ATP10D: variants seen among roughly 807,000 people sequenced by gnomAD.
The protein encoded by ATP10D is ATPase phospholipid transporting 10D (putative).
Under a neutral mutation model 144.8 loss-of-function variants are expected in ATP10D, and 89 were observed. That is an observed-to-expected ratio of 0.61 (90% CI 0.52 to 0.73). ATP10D has a LOEUF of 0.73. Among genes scored for constraint, ATP10D ranks in the 30% least tolerant of loss-of-function variants. The pLI is 0.00. For missense variants in ATP10D, 1,603 were observed against 1,714.8 expected (o/e 0.93, Z 1.15); for synonymous variants, 571 against 615.1 (o/e 0.93, Z 1.06).
intron 3 of ATP10D, 127 bp downstream of exon 3, chr4:47,515,797 T>C (rs1384197832): frequency 8.5e-6 from 6 of 709,566 alleles, no homozygotes; most frequent in African/African-American, 1.8e-5. Context: ...TTGCTATTGT[T>C]TTCAACTAAT....
At chr4:47,504,940 T>C (rs1047732258) in intron 1 of ATP10D, among the ~76,000 whole-genome samples, 2 of 152,226 alleles carry the variant, frequency 1.3e-5, no homozygotes, top group Non-Finnish European at 2.9e-5. Flanking sequence ...ATAAGAACTT[T>C]GACGTTTTGT....
intron 11 of ATP10D, among the ~76,000 whole-genome samples, chr4:47,556,115 A>G (rs4694857): frequency 0.45 from 68,043 of 152,124 alleles, 15,762 homozygotes; most frequent in East Asian, 0.79. Context: ...TTCATTTTCA[A>G]TGCGGAGGAA....
intron 13 of ATP10D, 116 bp downstream of exon 13, chr4:47,559,145 A>G: frequency 2.8e-6 from 2 of 703,586 alleles, no homozygotes; most frequent in East Asian, 2.8e-5. Flanking sequence ...TCCCCTGGAC[A>G]CTGGCTCTCT....
chr4:47,564,233 C>G (rs1291838986), intron 15 of ATP10D, among the ~76,000 whole-genome samples: 3 of 152,120 alleles, frequency 2.0e-5, no homozygotes, highest in Non-Finnish European at 4.4e-5. Context: ...ATCCAGAAAC[C>G]TACCTTGTGC....
At chr4:47,527,694 A>C (rs1054167106) in intron 5 of ATP10D, among the ~76,000 whole-genome samples, 3 of 152,170 alleles carry the variant, frequency 2.0e-5, no homozygotes, top group Non-Finnish European at 4.4e-5. Context: ...ATGCAGGTTA[A>C]ACCACAGAGC....
chr4:47,487,789 C>A (rs1714849038), intron 1 of ATP10D, among the ~76,000 whole-genome samples: 2 of 151,992 alleles, frequency 1.3e-5, no homozygotes, highest in Non-Finnish European at 2.9e-5. Context: ...TAATGCTACT[C>A]AATAAAAGGT....
At chr4:47,489,182 T>G (rs1460341952) in intron 1 of ATP10D, among the ~76,000 whole-genome samples, 1 of 152,186 alleles carries the variant, frequency 6.6e-6, no homozygotes, top group Non-Finnish European at 1.5e-5. Context: ...AGAGGGGATG[T>G]TAACCTCCCA....
intron 1 of ATP10D, among the ~76,000 whole-genome samples, chr4:47,489,502 G>A (rs1714964884): frequency 6.6e-6 from 1 of 152,030 alleles, no homozygotes; most frequent in South Asian, 2.1e-4. Context: ...TTTTTCTCAT[G>A]GTGTTAATAT....
chr4:47,496,277 C>T (rs4393976), intron 1 of ATP10D, among the ~76,000 whole-genome samples: 1 of 151,208 alleles, frequency 6.6e-6, no homozygotes, highest in African/African-American at 2.4e-5. Context: ...CCTGCCTCAG[C>T]CTCCGGAGTA....
chr4:47,490,954 TTTTATTTTA>T, intron 1 of ATP10D: 1 of 545,846 alleles, frequency 1.8e-6, no homozygotes, highest in Non-Finnish European at 3.4e-6. Context: ...GTCAGAAGTC[TTTTATTTTA>T]TTTATTTTGT....
At chr4:47,509,717 C>A (rs1716211162) in intron 1 of ATP10D, among the ~76,000 whole-genome samples, 1 of 152,162 alleles carries the variant, frequency 6.6e-6, no homozygotes, top group Non-Finnish European at 1.5e-5. Context: ...GGTTGTGGAT[C>A]TATTTAGGAA....
At chr4:47,553,799 G>T (rs1395669404) in intron 10 of ATP10D, among the ~76,000 whole-genome samples, 1 of 152,166 alleles carries the variant, frequency 6.6e-6, no homozygotes, top group Non-Finnish European at 1.5e-5. Flanking sequence ...AATCTTCTGA[G>T]TCCATGTCAT....
At chr4:47,495,317 T>TAA (rs200277047) in intron 1 of ATP10D, among the ~76,000 whole-genome samples, 28 of 150,880 alleles carry the variant, frequency 1.9e-4, no homozygotes, top group Non-Finnish European at 3.3e-4. Flanking sequence ...AGTTGTGCTT[T>TAA]AAAAAAAAAG....
intron 10 of ATP10D, among the ~76,000 whole-genome samples, chr4:47,548,560 TC>T (rs1335853268): frequency 6.6e-6 from 1 of 152,210 alleles, no homozygotes; most frequent in Non-Finnish European, 1.5e-5. Context: ...ATGTCCATTC[TC>T]AATAAAGTAT....
At chr4:47,490,483 TTG>T (rs1342282676) in intron 1 of ATP10D, among the ~76,000 whole-genome samples, 1 of 152,344 alleles carries the variant, frequency 6.6e-6, no homozygotes, top group South Asian at 2.1e-4. Context: ...TGCTCCCAGA[TTG>T]TCTTACTTCA....
intron 5 of ATP10D, among the ~76,000 whole-genome samples, chr4:47,526,785 C>T (rs1454389401): frequency 6.6e-6 from 1 of 151,952 alleles, no homozygotes; most frequent in Non-Finnish European, 1.5e-5. Flanking sequence ...AAATGGAATG[C>T]TTAAGTATAA....
chr4:47,542,581 A>G (rs6846588), intron 9 of ATP10D, among the ~76,000 whole-genome samples: 3,057 of 152,070 alleles, frequency 0.02, 95 homozygotes, highest in African/African-American at 0.069. Flanking sequence ...GGGTTTAAGC[A>G]GCTCTCCTGC....
At chr4:47,565,845 G>A (rs1560448980) in intron 15 of ATP10D, among the ~76,000 whole-genome samples, 2 of 151,996 alleles carry the variant, frequency 1.3e-5, no homozygotes, top group African/African-American at 2.4e-5. Flanking sequence ...TAAAACTATC[G>A]ATTCAAGAAG....
At chr4:47,507,310 T>C (rs551499985) in intron 1 of ATP10D, among the ~76,000 whole-genome samples, 123 of 152,326 alleles carry the variant, frequency 8.1e-4, no homozygotes, top group South Asian at 6.8e-3. Flanking sequence ...AGCAACCCTT[T>C]GAGCAAGTAA....
Sources: gnomAD v4.1 joint callset for allele counts (sites outside exome capture counted in the v4.1 genomes callset) on GRCh38, gnomAD v4.1.1 for gene constraint, MANE v1.5 for transcripts, NCBI Gene and HGNC (gene_info 2026-07-23, HGNC 2026-07-21) for gene names.